Variants in FSIP2 observed in about 807,000 individuals in gnomAD.
The protein encoded by FSIP2 is fibrous sheath interacting protein 2, also known as fibrous sheath-interacting protein 2.
A neutral mutation model predicts 510.5 loss-of-function variants in FSIP2; 367 were observed. The ratio of observed to expected loss-of-function variants is 0.72; its 90% confidence interval spans 0.66 to 0.78. The LOEUF (loss-of-function observed/expected upper bound fraction) is 0.78. FSIP2 is among the 30% of genes least tolerant of loss of function. FSIP2 has a pLI of 0.00. For missense variants in FSIP2, 7,594 were observed against 7,901.7 expected (o/e 0.96, Z 1.48); for synonymous variants, 2,601 against 2,732.2 (o/e 0.95, Z 1.50).
At position 185,746,909 on chromosome 2, in the gene FSIP2, T is replaced by G. The variant is rs1017044235; in HGVS notation, c.759+99T>G. On this transcript the variant is annotated intron_variant, in intron 6 of 22. Transcript: ENST00000424728. ...GTACATTGTGCTGCTTGAAGTCATTTCAGTTCAAAATAATTTGTTACCATT... is the reference window on the plus strand; with the variant it reads ...GTACATTGTGCTGCTTGAAGTCATTGCAGTTCAAAATAATTTGTTACCATT... The G allele has an allele frequency of 1.4e-4, 116 of 824,080 alleles. No individual in the cohort carries two copies. In the East Asian group the frequency reaches 3.1e-3, roughly 22 times the overall value. 51.0% of individuals were successfully genotyped at this position (824,080 alleles called of 1,614,324 possible).
In FSIP2 at chr2:185,790,361, T is replaced by TAATC. The variant is rs1559025732; in HGVS notation, c.3227_3230dup (p.His1077GlnfsTer3). ...AATTAAAGACTGAGCCACCATCTAC[T>TAATC]AATCATGAAGATATTTTAAAGAAAA... On this transcript the variant is annotated frameshift_variant, in exon 16 of 23. Coordinates refer to ENST00000424728, the MANE Select transcript of FSIP2 (RefSeq NM_173651.4). LOFTEE classifies it high-confidence loss of function. 1 of 1,531,652 alleles carries TAATC rather than the reference T, an allele frequency of 6.5e-7. No individual in the cohort carries two copies. The highest frequency in any genetic ancestry group is 2.4e-5 in the East Asian group (1 of 40,844). 94.9% of individuals were successfully genotyped at this position (1,531,652 alleles called of 1,614,324 possible). A position where few individuals can be genotyped will look rare whatever the true frequency, so the allele number is the denominator to read the frequency against.
rs760526856 is a variant in FSIP2 at position 185,764,573 on chromosome 2, T to G, written c.1411+8T>G. ...GCTATCTCTGCGAATCAGGTAAATA[T>G]CAGCAGTAATTATTGAGTAAATCTT... On this transcript the variant is annotated splice_region_variant and intron_variant, in intron 13 of 22. Transcript: ENST00000424728. The G allele has an allele frequency of 2.0e-6, 3 of 1,497,702 alleles. No individual in the cohort carries two copies. In the African/African-American group the frequency reaches 4.2e-5, roughly 21 times the overall value. 92.8% of individuals were successfully genotyped at this position (1,497,702 alleles called of 1,614,324 possible). A position where few individuals can be genotyped will look rare whatever the true frequency, so the allele number is the denominator to read the frequency against.
intron 13 of FSIP2, among the ~76,000 whole-genome samples, chr2:185,773,071 G>A (rs1466557423): frequency 2.6e-5 from 4 of 151,916 alleles, no homozygotes; most frequent in Admixed American, 2.0e-4. Context: ...ATATTGCCCA[G>A]GCTGTTCTCA....
rs1172831021 is a variant in FSIP2, at chr2:185,786,267, G to A, written c.1485G>A (p.Leu495=). The part of the protein sequence containing the change: ...PVYTNMQQNL[L]QNCLQEKVTS... ...TTCTTTACAGGCAACAGAACTTGCT[G>A]CAAAATTGCTTGCAAGAAAAAGTAT... Residue 495 remains leucine (L), a synonymous_variant, in exon 15 of 23, where the codon CTG becomes CTA. Transcript: ENST00000424728. 6.6e-7 allele frequency: 1 copy of A among 1,523,246 alleles called. No homozygotes were observed. The allele number at this position is 1,523,246 out of a possible 1,614,324, so 94.4% of individuals were successfully genotyped here.
rs1030723380 is a variant in FSIP2 at position 185,808,744 on chromosome 2, T to G, written c.19438T>G (p.Ser6480Ala). The G allele has an allele frequency of 1.2e-6, 2 of 1,612,756 alleles. No homozygotes were observed. Among genetic ancestry groups the G allele is most frequent in the Middle Eastern group, 1.7e-4 (1 of 6,048 alleles). Residue 6480 changes from serine to alanine, a missense_variant, in exon 17 of 23, where the codon TCT becomes GCT. By Grantham distance (99) the Ser-to-Ala change is moderately conservative. Transcript: ENST00000424728. ...INSTISNADL[S>A]GELDVNRIVQ... Reference sequence around the variant, plus strand: ...CTCAACAATTTCAAATGCTGATCTCTCTGGAGAGCTAGACGTTAATAGAAT... The same window carrying G: ...CTCAACAATTTCAAATGCTGATCTCGCTGGAGAGCTAGACGTTAATAGAAT...
At position 185,762,081 on chromosome 2, in the gene FSIP2, ATATTT is replaced by A. The variant is rs1172646182; in HGVS notation, c.1240+67_1240+71del. The stretch of plus-strand genomic sequence containing the variant: ...AGGCATGCAATTATAGTTTTATTAT[ATATTT>A]TAAGTTGTTTTATCTGATTATAAAA... On this transcript the variant is annotated intron_variant, in intron 11 of 22. Transcript: ENST00000424728. The A allele has an allele frequency of 1.2e-5, 9 of 766,650 alleles. No individual in the cohort carries two copies. The East Asian group carries it at 2.2e-4, about 18-fold the overall frequency. The allele number at this position is 766,650 out of a possible 1,614,324, so 47.5% of individuals were successfully genotyped here. A position where few individuals can be genotyped will look rare whatever the true frequency, so the allele number is the denominator to read the frequency against.
intron 9 of FSIP2, among the ~76,000 whole-genome samples, chr2:185,756,696 G>A (rs2105549592): frequency 6.6e-6 from 1 of 151,308 alleles, no homozygotes; most frequent in East Asian, 1.9e-4. Context: ...CTTATGTTAT[G>A]TCACTTCATG....
intron 19 of FSIP2, among the ~76,000 whole-genome samples, chr2:185,821,701 A>C (rs964837783): frequency 6.6e-6 from 1 of 151,814 alleles, no homozygotes; most frequent in Non-Finnish European, 1.5e-5. Flanking sequence ...AGATGGGCAG[A>C]CTTCTCAAGC....
At chr2:185,809,847 A>C (rs1324987799) in intron 17 of FSIP2, among the ~76,000 whole-genome samples, 1 of 152,030 alleles carries the variant, frequency 6.6e-6, no homozygotes, top group Non-Finnish European at 1.5e-5. Flanking sequence ...CTCAGCTCCC[A>C]AATATTTTAA....
At position 185,746,758 on chromosome 2, in the gene FSIP2, G is replaced by C; in HGVS notation, c.707G>C (p.Arg236Pro). The change falls in exon 6 of 23, where the codon CGA becomes CCA. Residue 236 changes from arginine to proline, a missense_variant. By Grantham distance (103) the Arg-to-Pro change is moderately radical. Transcript: ENST00000424728. ...RLFLMDREER[R>P]QREHTRRKLT... is the part of the protein sequence containing the mutation. ...TTCCTAATGGATAGAGAAGAAAGAC[G>C]ACAGCGGGAACACACAAGAAGAAAA... The C allele has an allele frequency of 6.5e-7, 1 of 1,531,660 alleles. No individual in the cohort carries two copies. The highest frequency in any genetic ancestry group is 8.7e-7 in the Non-Finnish European group (1 of 1,144,988). 94.9% of individuals were successfully genotyped at this position (1,531,660 alleles called of 1,614,324 possible).
In FSIP2 at chr2:185,806,060, AT is replaced by A; in HGVS notation, c.16759del (p.Ser5587HisfsTer2). The A allele has an allele frequency of 6.4e-7, 1 of 1,560,342 alleles. No individual in the cohort carries two copies. The highest frequency in any genetic ancestry group is 8.7e-7 in the Non-Finnish European group (1 of 1,150,788). Reference protein sequence around the residue: ...KKGKDDEIYTHFSLIIDDTEY... With the variant: ...KKGKDDEIYTXFSLIIDDTEY... Reference sequence around the variant, plus strand: ...GGGAAAGATGATGAGATATACACACATTTTTCATTAATAATTGATGATACAG... The same window carrying A: ...GGGAAAGATGATGAGATATACACACATTTTCATTAATAATTGATGATACAG... On this transcript the variant is annotated frameshift_variant, in exon 17 of 23. Transcript: ENST00000424728. LOFTEE classifies it high-confidence loss of function.
In FSIP2 at chr2:185,806,656, G is replaced by T. The variant is rs774274371; in HGVS notation, c.17350G>T (p.Ala5784Ser). ...AGAAAGTAAACCTGGAATTTTTCCCGCTAAGTTTTTAGAAGATGTTATTAC... is the reference window on the plus strand; with the variant it reads ...AGAAAGTAAACCTGGAATTTTTCCCTCTAAGTTTTTAGAAGATGTTATTAC... ...QRESKPGIFP[A>S]KFLEDVITEM... The change falls in exon 17 of 23, where the codon GCT becomes TCT. Residue 5784 changes from alanine (A) to serine (S), a missense_variant. Physicochemically the swap from Ala to Ser is moderately conservative, Grantham distance 99. Transcript: ENST00000424728. 3 of 1,602,968 alleles carry T rather than the reference G, an allele frequency of 1.9e-6. No homozygotes were observed. Among genetic ancestry groups the T allele is most frequent in the African/African-American group, 2.7e-5 (2 of 74,022 alleles).
Position 185,795,193 on chromosome 2 carries a change from C to T in FSIP2, c.8057C>T (p.Ala2686Val), listed in dbSNP as rs1693238584. 1 of 1,534,832 alleles carries T rather than the reference C, an allele frequency of 6.5e-7. No individual in the cohort carries two copies. The highest frequency in any genetic ancestry group is 8.7e-7 in the Non-Finnish European group (1 of 1,146,112). ...FTKKTHLGLS[A>V]AKAKSKTKLG... is the part of the protein sequence containing the mutation. ...AAAAAAACACACTTAGGACTGAGTG[C>T]TGCTAAGGCCAAAAGCAAAACCAAG... The change falls in exon 16 of 23, where the codon GCT becomes GTT. Residue 2686 changes from alanine (A) to valine (V), a missense_variant. Physicochemically the swap from Ala to Val is moderately conservative, Grantham distance 64 (BLOSUM62 0). Transcript: ENST00000424728.
chr2:185,751,216 A>G (rs965181634), intron 7 of FSIP2, among the ~76,000 whole-genome samples: 1 of 151,466 alleles, frequency 6.6e-6, no homozygotes, highest in Admixed American at 6.6e-5. Context: ...GGATTTGTCT[A>G]GTATCTCAGT....
chr2:185,798,057 T>C (rs960627082), intron 16 of FSIP2, among the ~76,000 whole-genome samples: 6 of 151,858 alleles, frequency 4.0e-5, no homozygotes, highest in African/African-American at 1.4e-4. Flanking sequence ...AGGATTTGAA[T>C]TTGAAGGATG....
Position 185,788,783 on chromosome 2 carries a change from C to T in FSIP2, c.1647C>T (p.Ser549=). The T allele has an allele frequency of 6.5e-7, 1 of 1,534,330 alleles. No individual in the cohort carries two copies. The highest frequency in any genetic ancestry group is 1.2e-5 in the South Asian group (1 of 84,026). The change falls in exon 16 of 23, where the codon TCC becomes TCT. Residue 549 remains serine (S), a synonymous_variant. Coordinates refer to ENST00000424728, the MANE Select transcript of FSIP2 (RefSeq NM_173651.4). ...ATACATACCCAGTATCTGATGACTC[C>T]ATCCTCTCTTCAGATAGTTCAAGTT... is the stretch of plus-strand genomic sequence containing the variant. ...QNNTYPVSDD[S]ILSSDSSSFC...
At chr2:185,757,120 C>T (rs919842957) in intron 9 of FSIP2, among the ~76,000 whole-genome samples, 7 of 151,288 alleles carry the variant, frequency 4.6e-5, no homozygotes, top group African/African-American at 1.7e-4. Flanking sequence ...TATGGCAATA[C>T]CAGCTCTACA....
In FSIP2 at chr2:185,802,768, G is replaced by A; in HGVS notation, c.13462G>A (p.Val4488Ile). The A allele has an allele frequency of 6.6e-7, 1 of 1,516,508 alleles. No homozygotes were observed. The highest frequency in any genetic ancestry group is 8.8e-7 in the Non-Finnish European group (1 of 1,139,450). 93.9% of individuals were successfully genotyped at this position (1,516,508 alleles called of 1,614,324 possible). ...ATTATTTTCTTCTGCATCTAGCCTGGTTCTAAACAGAGACACCCAAAAAGA... is the reference window on the plus strand; with the variant it reads ...ATTATTTTCTTCTGCATCTAGCCTGATTCTAAACAGAGACACCCAAAAAGA... Reference protein sequence around the residue: ...SKLFSSASSLVLNRDTQKDIS... With the variant: ...SKLFSSASSLILNRDTQKDIS... Residue 4488 changes from valine to isoleucine, a missense_variant, in exon 17 of 23, where the codon GTT becomes ATT. Val to Ile is a conservative substitution (Grantham distance 29). Coordinates refer to ENST00000424728, the MANE Select transcript of FSIP2 (RefSeq NM_173651.4).
rs768306769 is a variant in FSIP2, at chr2:185,799,842, G to T, written c.10536G>T (p.Ser3512=). ...LTESVLYHLT[S]SISDGTKKGR... is the part of the protein sequence containing the mutation. ...AGTCAGTACTTTACCATTTAACTTCGAGCATTTCTGATGGCACCAAAAAGG... is the reference window on the plus strand; with the variant it reads ...AGTCAGTACTTTACCATTTAACTTCTAGCATTTCTGATGGCACCAAAAAGG... The change falls in exon 17 of 23, where the codon TCG becomes TCT. Residue 3512 remains serine (S), a synonymous_variant. Coordinates refer to ENST00000424728, the MANE Select transcript of FSIP2 (RefSeq NM_173651.4). 1 of 1,532,478 alleles carries T rather than the reference G, an allele frequency of 6.5e-7. No individual in the cohort carries two copies. Among genetic ancestry groups the T allele is most frequent in the Admixed American group, 2.0e-5 (1 of 50,814 alleles). 94.9% of individuals were successfully genotyped at this position (1,532,478 alleles called of 1,614,324 possible).
Sources: allele counts gnomAD v4.1 joint callset (sites outside exome capture counted in the v4.1 genomes callset), GRCh38; gene constraint gnomAD v4.1.1; transcripts MANE v1.5; gene names NCBI Gene and HGNC (gene_info 2026-07-23, HGNC 2026-07-21).